RAP1GAP2: variants seen among roughly 807,000 people sequenced by gnomAD.
RAP1GAP2 encodes the protein rap1 GTPase-activating protein 2.
In RAP1GAP2, 27 loss-of-function variants were observed where a neutral mutation model predicts 95.0. The observed-to-expected ratio is 0.28, with a 90% CI of 0.21 to 0.39. The LOEUF is 0.39. Among genes scored for constraint, RAP1GAP2 ranks in the 10% least tolerant of loss-of-function variants. The pLI, the probability that RAP1GAP2 is intolerant of heterozygous loss-of-function variation, is 1.00. For synonymous variants in RAP1GAP2, 373 were observed against 380.9 expected (o/e 0.98, Z 0.24); for missense variants, 771 against 970.0 (o/e 0.79, Z 2.72).
At chr17:3,018,243 G>GC (rs376847636) in intron 18 of RAP1GAP2, 45 bp downstream of exon 18, 260 of 1,521,190 alleles carry the variant, frequency 1.7e-4, no homozygotes, top group Middle Eastern at 8.3e-4. Flanking sequence ...TCCCAGGGAG[G>GC]CCCCCCCCAG....
At chr17:2,853,888 C>T (rs1358976467) in intron 2 of RAP1GAP2, 2 of 972,786 alleles carry the variant, frequency 2.1e-6, no homozygotes, top group South Asian at 9.5e-5. Flanking sequence ...CCATGCGAGG[C>T]GGAGGCCGGG....
chr17:2,900,437 A>C (rs945273732), intron 2 of RAP1GAP2, among the ~76,000 whole-genome samples: 1 of 151,968 alleles, frequency 6.6e-6, no homozygotes, highest in Admixed American at 6.6e-5. Flanking sequence ...TTATTTTTTT[A>C]AATTAATTAA....
chr17:2,912,047 C>A (rs2042401838), intron 3 of RAP1GAP2, among the ~76,000 whole-genome samples: 1 of 152,184 alleles, frequency 6.6e-6, no homozygotes, highest in African/African-American at 2.4e-5. Flanking sequence ...TTGGAGTTCC[C>A]ACTGCAGGGA....
intron 3 of RAP1GAP2, among the ~76,000 whole-genome samples, chr17:2,932,852 ACCAC>A (rs1211688891): frequency 7.0e-6 from 1 of 142,110 alleles, no homozygotes. Context: ...AAGAGCAGGG[ACCAC>A]GGGCAGGGTA....
intron 3 of RAP1GAP2, among the ~76,000 whole-genome samples, chr17:2,931,990 A>T (rs1297647430): frequency 1.3e-5 from 2 of 152,158 alleles, no homozygotes; most frequent in Non-Finnish European, 2.9e-5. Flanking sequence ...CAGCACAAAG[A>T]TATATAATGA....
rs190648700 is a variant in RAP1GAP2 at position 2,987,878 on chromosome 17, T to C, written c.813+2812T>C. Among the ~76,000 whole-genome samples, 172 of 152,296 alleles carry C rather than the reference T, an allele frequency of 1.1e-3. 1 individual carries two copies. Among genetic ancestry groups the C allele is most frequent in the Non-Finnish European group, 1.5e-3 (103 of 68,022 alleles). On this transcript the variant is annotated intron_variant, in intron 11 of 24. Coordinates refer to ENST00000254695, the MANE Select transcript of RAP1GAP2 (RefSeq NM_015085.5). ...TACTGAAGACATTCTCTTGAAGTGA[T>C]TGGGTAGGCTAGAGTGTCTTTGTAT...
Position 2,816,966 on chromosome 17 carries a change from C to T in RAP1GAP2, c.80+16416C>T, listed in dbSNP as rs866469168. Reference sequence around the variant, plus strand: ...TCTTCAAGGTTCATCCATGTTGTAGCGTGTGTCAGAATTTCCTTTTTTTTT... The same window carrying T: ...TCTTCAAGGTTCATCCATGTTGTAGTGTGTGTCAGAATTTCCTTTTTTTTT... On this transcript the variant is annotated intron_variant, in intron 2 of 24. Transcript: ENST00000254695. Among the ~76,000 whole-genome samples, 3 of 103,350 alleles carry T rather than the reference C, an allele frequency of 2.9e-5. 1 individual carries two copies. The highest frequency in any genetic ancestry group is 2.0e-4 in the Admixed American group (2 of 10,172). 67.8% of individuals were successfully genotyped at this position (103,350 alleles called of 152,430 possible). A position where few individuals can be genotyped will look rare whatever the true frequency, so the allele number is the denominator to read the frequency against.
At position 2,797,854 on chromosome 17, in the gene RAP1GAP2, T is replaced by C. The variant is rs892678519; in HGVS notation, c.44+1283T>C. 5.4e-6 allele frequency: 5 copies of C among 920,902 alleles called. No homozygotes were observed. The highest frequency in any genetic ancestry group is 2.4e-4 in the East Asian group (2 of 8,454). The allele number at this position is 920,902 out of a possible 1,614,324, so 57.0% of individuals were successfully genotyped here. The stretch of plus-strand genomic sequence containing the variant: ...GGGAGGGGTGTGTGTGTCTTGGCTG[T>C]GGGCCTTGCAGGGCAGGGCCCAGCA... On this transcript the variant is annotated intron_variant, in intron 1 of 24. Transcript: ENST00000254695. The surrounding 1 kb of genome is among the most constrained non-coding windows in gnomAD (Gnocchi z 5.6).
At chr17:2,995,989 G>A (rs1160691275) in intron 13 of RAP1GAP2, among the ~76,000 whole-genome samples, 1 of 150,388 alleles carries the variant, frequency 6.6e-6, no homozygotes, top group Middle Eastern at 3.2e-3. Flanking sequence ...GGGTGATTGT[G>A]GGGATTACAT....
intron 2 of RAP1GAP2, among the ~76,000 whole-genome samples, chr17:2,831,261 G>A (rs2070840819): frequency 6.7e-6 from 1 of 149,258 alleles, no homozygotes; most frequent in Admixed American, 6.8e-5. Flanking sequence ...ATTTTTAGTA[G>A]AGATGGGATT....
intron 2 of RAP1GAP2, among the ~76,000 whole-genome samples, chr17:2,832,485 G>A (rs949703553): frequency 6.7e-6 from 1 of 150,082 alleles, no homozygotes; most frequent in Non-Finnish European, 1.5e-5. Context: ...GTGAACCCAG[G>A]AGGTGGAGGT....
upstream of RAP1GAP2, among the ~76,000 whole-genome samples, chr17:2,791,851 TTC>T (rs1219362364): frequency 2.0e-5 from 3 of 151,320 alleles, no homozygotes; most frequent in East Asian, 3.9e-4. Context: ...CGCTTCCCTT[TTC>T]TCTCTTTTTT....
At chr17:2,806,484 C>T (rs1273692295) in intron 2 of RAP1GAP2, among the ~76,000 whole-genome samples, 1 of 151,236 alleles carries the variant, frequency 6.6e-6, no homozygotes, top group Non-Finnish European at 1.5e-5. Context: ...CCTCCACCTC[C>T]TGGGTTCAAG....
intron 1 of RAP1GAP2, among the ~76,000 whole-genome samples, chr17:2,767,240 T>A (rs1358656153): frequency 6.6e-6 from 1 of 151,232 alleles, no homozygotes; most frequent in South Asian, 2.1e-4. Context: ...CAGATGCCTG[T>A]AATCCCAGCT....
At chr17:2,767,359 TAAAAAAAAAAA>T (rs397857982) in intron 1 of RAP1GAP2, among the ~76,000 whole-genome samples, 5 of 53,730 alleles carry the variant, frequency 9.3e-5, no homozygotes, top group Admixed American at 6.1e-4. Flanking sequence ...GAGACTCTGT[TAAAAAAAAAAA>T]AAAAAAAAAA....
Position 3,008,273 on chromosome 17 carries a change from TG to T in RAP1GAP2, c.1494+131del. 7.2e-7 allele frequency: 1 copy of T among 1,383,498 alleles called. No individual in the cohort carries two copies. Among genetic ancestry groups the T allele is most frequent in the Non-Finnish European group, 9.9e-7 (1 of 1,008,228 alleles). The allele number at this position is 1,383,498 out of a possible 1,614,324, so 85.7% of individuals were successfully genotyped here. ...AGCTGGAGGGGTGACAGGAAACGTA[TG>T]GGTATCCTAGGTGTTTGCAAAGGGC... On this transcript the variant is annotated intron_variant, in intron 17 of 24. Coordinates refer to ENST00000254695, the MANE Select transcript of RAP1GAP2 (RefSeq NM_015085.5). This position sits in a 1 kb window ranked among gnomAD's most constrained non-coding sequence, Gnocchi z 4.2.
In RAP1GAP2 at chr17:2,820,414, A is replaced by G. The variant is rs1015687072; in HGVS notation, c.80+19864A>G. 2.6e-5 allele frequency among the ~76,000 whole-genome samples: 4 copies of G among 152,074 alleles called. No individual in the cohort carries two copies. The South Asian group carries it at 8.3e-4, about 32-fold the overall frequency. Reference sequence around the variant, plus strand: ...GGTGGGCGGATCACTTGAGGTCAGGAGCTCGAGACCAGCCTGGCCAACATG... The same window carrying G: ...GGTGGGCGGATCACTTGAGGTCAGGGGCTCGAGACCAGCCTGGCCAACATG... On this transcript the variant is annotated intron_variant, in intron 2 of 24. Coordinates refer to ENST00000254695, the MANE Select transcript of RAP1GAP2 (RefSeq NM_015085.5).
intron 2 of RAP1GAP2, among the ~76,000 whole-genome samples, chr17:2,896,543 C>T (rs1030522698): frequency 2.0e-5 from 3 of 152,170 alleles, no homozygotes; most frequent in Admixed American, 6.5e-5. Flanking sequence ...CCATAAAGCA[C>T]GCATCAGTTC....
At chr17:2,773,800 C>A (rs1404442964), upstream of RAP1GAP2, among the ~76,000 whole-genome samples, 1 of 151,824 alleles carries the variant, frequency 6.6e-6, no homozygotes, top group Non-Finnish European at 1.5e-5. Flanking sequence ...TCTTGTCGCC[C>A]AGGCTGGAGT....
Sources: allele counts gnomAD v4.1 joint callset (sites outside exome capture counted in the v4.1 genomes callset), GRCh38; gene constraint gnomAD v4.1.1; non-coding constraint Gnocchi (gnomAD v3.1); transcripts MANE v1.5; gene names NCBI Gene and HGNC (gene_info 2026-07-23, HGNC 2026-07-21).